VAV3: variants seen among roughly 807,000 people sequenced by gnomAD.
VAV3 encodes the protein guanine nucleotide exchange factor VAV3.
A neutral mutation model predicts 131.2 loss-of-function variants in VAV3; 94 were observed. The ratio of observed to expected loss-of-function variants is 0.72; its 90% CI spans 0.61 to 0.85. The LOEUF (loss-of-function observed/expected upper bound fraction) is 0.85. VAV3 is among the 40% of genes least tolerant of loss of function. The pLI, the probability that VAV3 is intolerant of heterozygous loss-of-function variation, is 0.00. For synonymous variants in VAV3, 349 were observed against 342.0 expected (o/e 1.02, Z -0.22); for missense variants, 939 against 1,002.7 (o/e 0.94, Z 0.86).
chr1:107,763,124 C>T (rs1021572677), intron 9 of VAV3, among the ~76,000 whole-genome samples: 10 of 152,188 alleles, frequency 6.6e-5, no homozygotes, highest in African/African-American at 1.2e-4. Flanking sequence ...GCTTGCGGCA[C>T]GCAGCTCCCA....
intron 24 of VAV3, among the ~76,000 whole-genome samples, chr1:107,598,085 G>A (rs2101080364): frequency 6.6e-6 from 1 of 152,306 alleles, no homozygotes; most frequent in East Asian, 1.9e-4. Flanking sequence ...CAGGCATGGT[G>A]GTTCATGCCT....
At chr1:107,732,634 CT>C (rs1400304572) in intron 15 of VAV3, among the ~76,000 whole-genome samples, 1 of 152,218 alleles carries the variant, frequency 6.6e-6, no homozygotes, top group Non-Finnish European at 1.5e-5. Flanking sequence ...CGAGATTGAG[CT>C]GCAAGGCGGC....
intron 2 of VAV3, among the ~76,000 whole-genome samples, chr1:107,826,963 T>C (rs991334075): frequency 6.6e-6 from 1 of 152,150 alleles, no homozygotes; most frequent in African/African-American, 2.4e-5. Context: ...TTTAATAGTA[T>C]CTACCATTTG....
chr1:107,693,903 C>CAATG (rs1659591901), intron 17 of VAV3, among the ~76,000 whole-genome samples: 1 of 152,066 alleles, frequency 6.6e-6, no homozygotes, highest in African/African-American at 2.4e-5. Context: ...TAGTTTCAGC[C>CAATG]AATGGACTTG....
chr1:107,840,378 A>G (rs1248969415), intron 2 of VAV3, among the ~76,000 whole-genome samples: 1 of 152,232 alleles, frequency 6.6e-6, no homozygotes, highest in Admixed American at 6.5e-5. Context: ...GATTGGCACC[A>G]CTTAAAGACA....
chr1:107,837,453 C>G (rs1164499628), intron 2 of VAV3, among the ~76,000 whole-genome samples: 1 of 152,022 alleles, frequency 6.6e-6, no homozygotes, highest in Non-Finnish European at 1.5e-5. Flanking sequence ...TTAAAATGGC[C>G]ATACTGTCCA....
chr1:107,854,528 T>G (rs1669377612), intron 2 of VAV3, among the ~76,000 whole-genome samples: 1 of 152,226 alleles, frequency 6.6e-6, no homozygotes, highest in Non-Finnish European at 1.5e-5. Flanking sequence ...GATAACTTCA[T>G]TCACTGACTC....
intron 15 of VAV3, among the ~76,000 whole-genome samples, chr1:107,733,865 C>A (rs1201518282): frequency 2.0e-5 from 3 of 152,044 alleles, no homozygotes; most frequent in Non-Finnish European, 4.4e-5. Flanking sequence ...GGCAGGCCAA[C>A]ATTCAAATTC....
At chr1:107,725,499 T>C (rs1409510600) in intron 15 of VAV3, among the ~76,000 whole-genome samples, 1 of 152,156 alleles carries the variant, frequency 6.6e-6, no homozygotes, top group Non-Finnish European at 1.5e-5. Flanking sequence ...AAGAGCTGGT[T>C]ATGCTAGGCA....
chr1:107,840,030 T>C (rs181292508), intron 2 of VAV3, among the ~76,000 whole-genome samples: 1 of 152,214 alleles, frequency 6.6e-6, no homozygotes, highest in African/African-American at 2.4e-5. Flanking sequence ...TTAATAACCT[T>C]CCAAAAGAAA....
intron 15 of VAV3, among the ~76,000 whole-genome samples, chr1:107,736,922 G>T (rs1662677331): frequency 6.6e-6 from 1 of 152,268 alleles, no homozygotes; most frequent in East Asian, 1.9e-4. Context: ...AAAGAACAAA[G>T]CTGGAGGCAT....
chr1:107,750,265 T>C (rs1006520733), intron 13 of VAV3, among the ~76,000 whole-genome samples: 10 of 152,192 alleles, frequency 6.6e-5, no homozygotes, highest in African/African-American at 2.2e-4. Context: ...AACTGAATGG[T>C]ATATGAGCCA....
At chr1:107,846,479 T>C (rs1163214621) in intron 2 of VAV3, among the ~76,000 whole-genome samples, 1 of 152,140 alleles carries the variant, frequency 6.6e-6, no homozygotes, top group Non-Finnish European at 1.5e-5. Context: ...GCAAATTGGA[T>C]AAAGAGTCAA....
intron 2 of VAV3, among the ~76,000 whole-genome samples, chr1:107,817,446 A>G: frequency 6.6e-6 from 1 of 152,192 alleles, no homozygotes; most frequent in East Asian, 1.9e-4. Context: ...CAAGCTGGTT[A>G]GAGTCAGATT....
intron 1 of VAV3, among the ~76,000 whole-genome samples, chr1:107,920,653 T>C (rs567626382): frequency 3.9e-5 from 6 of 152,358 alleles, no homozygotes; most frequent in African/African-American, 1.4e-4. Context: ...AAAATTGTTT[T>C]ATGTAATTTC....
intron 10 of VAV3, among the ~76,000 whole-genome samples, chr1:107,758,657 T>A (rs1664248282): frequency 6.6e-6 from 1 of 152,126 alleles, no homozygotes; most frequent in Non-Finnish European, 1.5e-5. Flanking sequence ...CACTCTATTG[T>A]CATCAGGGGT....
intron 2 of VAV3, among the ~76,000 whole-genome samples, chr1:107,867,822 C>T (rs1033650310): frequency 6.6e-6 from 1 of 152,100 alleles, no homozygotes; most frequent in African/African-American, 2.4e-5. Context: ...ATCCCAAATG[C>T]CGCTCTGAGA....
intron 17 of VAV3, among the ~76,000 whole-genome samples, chr1:107,703,624 A>G (rs6583042): frequency 0.78 from 118,826 of 152,136 alleles, 46,682 homozygotes; most frequent in Middle Eastern, 0.89. Context: ...ACAATTGCCT[A>G]TTTTCTGAAC....
At chr1:107,610,081 G>A (rs1208891081) in intron 21 of VAV3, 116 bp from the exon 22 acceptor site, 4 of 812,422 alleles carry the variant, frequency 4.9e-6, no homozygotes, top group Non-Finnish European at 8.1e-6. Context: ...GCACAGTCCT[G>A]GAACTATCCA....
Sources: gnomAD v4.1 joint callset for allele counts (sites outside exome capture counted in the v4.1 genomes callset) on GRCh38, gnomAD v4.1.1 for gene constraint, MANE v1.5 for transcripts, NCBI Gene and HGNC (gene_info 2026-07-23, HGNC 2026-07-21) for gene names.